The following ARHGAP28 variants were observed in gnomAD, a reference collection of about 807,000 sequenced individuals.
ARHGAP28 encodes Rho GTPase activating protein 28, also known as rho GTPase-activating protein 28.
A neutral mutation model predicts 90.7 loss-of-function variants in ARHGAP28; 56 were observed. The ratio of observed to expected loss-of-function variants is 0.62; its 90% CI spans 0.50 to 0.77. The LOEUF (loss-of-function observed/expected upper bound fraction) is 0.77. ARHGAP28 is among the 30% of genes least tolerant of loss of function. The pLI is 0.00. For synonymous variants in ARHGAP28, 308 were observed against 323.3 expected (o/e 0.95, Z 0.51); for missense variants, 869 against 900.9 (o/e 0.96, Z 0.45).
intron 4 of ARHGAP28, 41 bp from the exon 5 acceptor site, chr18:6,859,767 A>G (rs1357434636): frequency 1.9e-6 from 3 of 1,562,762 alleles, no homozygotes; most frequent in Non-Finnish European, 2.6e-6. Context: ...ATTAGAAAGT[A>G]TTTGCCTGAA....
At chr18:6,870,897 T>G (rs1045487079) in intron 7 of ARHGAP28, among the ~76,000 whole-genome samples, 165 bp downstream of exon 7, 1 of 151,638 alleles carries the variant, frequency 6.6e-6, no homozygotes, top group Non-Finnish European at 1.5e-5. Context: ...GCCTCCCGGG[T>G]TCACGCCATT....
intron 3 of ARHGAP28, among the ~76,000 whole-genome samples, chr18:6,839,576 C>A (rs566054485): frequency 8.5e-5 from 13 of 152,144 alleles, no homozygotes; most frequent in Non-Finnish European, 4.4e-5. Context: ...GGATTACAGG[C>A]GTGAGCCACT....
At chr18:6,854,476 A>C (rs2056936273) in intron 4 of ARHGAP28, among the ~76,000 whole-genome samples, 1 of 151,990 alleles carries the variant, frequency 6.6e-6, no homozygotes, top group Non-Finnish European at 1.5e-5. Context: ...CAGTTGCTGG[A>C]TATTTTCTTC....
At chr18:6,904,103 T>A (rs972258386) in intron 16 of ARHGAP28, among the ~76,000 whole-genome samples, 1 of 151,960 alleles carries the variant, frequency 6.6e-6, no homozygotes, top group African/African-American at 2.4e-5. Flanking sequence ...ACATATAAAA[T>A]TATGTGATGG....
At chr18:6,765,796 A>G (rs1398275740) in intron 1 of ARHGAP28, among the ~76,000 whole-genome samples, 1 of 152,030 alleles carries the variant, frequency 6.6e-6, no homozygotes, top group Non-Finnish European at 1.5e-5. Context: ...CATCCCATAT[A>G]TATTGGTTTG....
At chr18:6,911,934 C>T (rs1190899285) in intron 17 of ARHGAP28, 126 bp from the exon 18 acceptor site, 1 of 460,982 alleles carries the variant, frequency 2.2e-6, no homozygotes, top group African/African-American at 2.0e-5. Flanking sequence ...CATATGTCTA[C>T]TTACTTTGGC....
chr18:6,827,127 C>T (rs1286436137), intron 2 of ARHGAP28, among the ~76,000 whole-genome samples: 4 of 152,220 alleles, frequency 2.6e-5, no homozygotes, highest in East Asian at 1.9e-4. Flanking sequence ...TTCTCAGTCT[C>T]TTCCCCACCT....
At chr18:6,862,219 A>G (rs9957286) in intron 5 of ARHGAP28, among the ~76,000 whole-genome samples, 38,752 of 151,972 alleles carry the variant, frequency 0.25, 5,118 homozygotes, top group Middle Eastern at 0.38. Context: ...CCCCAGTTTG[A>G]TTTCCCAGTC....
chr18:6,739,855 CT>C (rs145660239), intron 1 of ARHGAP28, among the ~76,000 whole-genome samples: 36,184 of 134,484 alleles, frequency 0.27, 4,478 homozygotes, highest in South Asian at 0.32. Flanking sequence ...CATAAGAATT[CT>C]TTTTTTTTTT....
intron 3 of ARHGAP28, among the ~76,000 whole-genome samples, chr18:6,841,208 C>CTCTCTCTCCTCTCTCT (rs1555631529): frequency 2.3e-5 from 1 of 43,136 alleles, no homozygotes; most frequent in Non-Finnish European, 4.5e-5. Context: ...TCTCTCCTCT[C>CTCTCTCTCCTCTCTCT]CTCTCTCTCT....
chr18:6,859,781 G>GAA, intron 4 of ARHGAP28, 27 bp from the exon 5 acceptor site: 1 of 1,603,034 alleles, frequency 6.2e-7, no homozygotes, highest in Non-Finnish European at 8.5e-7. Flanking sequence ...GCCTGAATAA[G>GAA]AATGGTACTT....
At chr18:6,823,261 G>C (rs375183398) in intron 1 of ARHGAP28, among the ~76,000 whole-genome samples, 2 of 151,920 alleles carry the variant, frequency 1.3e-5, no homozygotes, top group East Asian at 1.9e-4. Context: ...TCTGCTTTCT[G>C]TCTATGAATT....
At chr18:6,895,490 G>T (rs1016164701) in intron 15 of ARHGAP28, among the ~76,000 whole-genome samples, 1 of 152,212 alleles carries the variant, frequency 6.6e-6, no homozygotes, top group Non-Finnish European at 1.5e-5. Context: ...CCAAAATCAG[G>T]GTGTCAGCAA....
chr18:6,878,294 A>G (rs561188233), intron 10 of ARHGAP28, among the ~76,000 whole-genome samples: 129 of 140,644 alleles, frequency 9.2e-4, no homozygotes, highest in African/African-American at 2.8e-3. Context: ...AAATTGAACA[A>G]TGAGAACACA....
chr18:6,823,270 T>C (rs2056637961), intron 1 of ARHGAP28, among the ~76,000 whole-genome samples: 1 of 152,100 alleles, frequency 6.6e-6, no homozygotes, highest in African/African-American at 2.4e-5. Context: ...TGTCTATGAA[T>C]TTGACTACTC....
At chr18:6,893,585 C>T (rs1476098520) in intron 14 of ARHGAP28, among the ~76,000 whole-genome samples, 3 of 152,072 alleles carry the variant, frequency 2.0e-5, no homozygotes, top group African/African-American at 7.2e-5. Context: ...CCCATATGAG[C>T]CTGGACAAAC....
intron 1 of ARHGAP28, among the ~76,000 whole-genome samples, chr18:6,762,254 T>A (rs2056166356): frequency 6.6e-6 from 1 of 152,132 alleles, no homozygotes; most frequent in Admixed American, 6.5e-5. Flanking sequence ...AAAATACAAG[T>A]TCAACCATGC....
chr18:6,843,932 C>A (rs1199307988), intron 3 of ARHGAP28, among the ~76,000 whole-genome samples: 2 of 152,082 alleles, frequency 1.3e-5, no homozygotes, highest in Admixed American at 6.5e-5. Flanking sequence ...TATATTAAAT[C>A]AAAAATGTTA....
At chr18:6,863,762 A>T (rs2057016012) in intron 5 of ARHGAP28, among the ~76,000 whole-genome samples, 1 of 150,326 alleles carries the variant, frequency 6.7e-6, no homozygotes, top group Non-Finnish European at 1.5e-5. Context: ...GCCTGATATC[A>T]TTGTAGGCAT....
Sources: allele counts gnomAD v4.1 joint callset (sites outside exome capture counted in the v4.1 genomes callset), GRCh38; gene constraint gnomAD v4.1.1; transcripts MANE v1.5; gene names NCBI Gene and HGNC (gene_info 2026-07-23, HGNC 2026-07-21).